CDK5RAP2: variants seen among roughly 807,000 people sequenced by gnomAD.
The protein encoded by CDK5RAP2 is CDK5 regulatory subunit-associated protein 2.
A neutral mutation model predicts 232.9 loss-of-function variants in CDK5RAP2; 147 were observed. The observed-to-expected ratio is 0.63, with a 90% CI of 0.55 to 0.72. The LOEUF (loss-of-function observed/expected upper bound fraction) is 0.72, where lower values mean the gene tolerates loss of function less well. CDK5RAP2 is among the 30% of genes least tolerant of loss of function. The pLI is 0.00. For missense variants in CDK5RAP2, 2,195 were observed against 2,231.5 expected (o/e 0.98, Z 0.33); for synonymous variants, 833 against 833.7 (o/e 1.00, Z 0.01).
chr9:120,561,499 TTTGTGACCCAAGC>T, intron 3 of CDK5RAP2, among the ~76,000 whole-genome samples: 1 of 152,082 alleles, frequency 6.6e-6, no homozygotes, highest in Middle Eastern at 3.4e-3. Flanking sequence ...GGGGTCTCAC[TTTGTGACCCAAGC>T]TGGGTCACAA....
chr9:120,549,260 C>G (rs773274859), intron 4 of CDK5RAP2, among the ~76,000 whole-genome samples: 34 of 152,100 alleles, frequency 2.2e-4, no homozygotes, highest in South Asian at 1.5e-3. Flanking sequence ...TATACACATA[C>G]ACACACACAA....
At chr9:120,401,775 G>A (rs2033039344) in intron 34 of CDK5RAP2, among the ~76,000 whole-genome samples, 3 of 152,084 alleles carry the variant, frequency 2.0e-5, no homozygotes, top group Admixed American at 2.0e-4. Flanking sequence ...CCTGAAGTCA[G>A]GAGTTCAAGA....
intron 2 of CDK5RAP2, chr9:120,571,617 C>T (rs1403376665): frequency 2.2e-5 from 8 of 355,710 alleles, no homozygotes; most frequent in Non-Finnish European, 3.8e-5. Flanking sequence ...GGCCTTGGCA[C>T]GCTACAGTCC....
chr9:120,435,723 T>C (rs1347464153), intron 25 of CDK5RAP2, among the ~76,000 whole-genome samples: 1 of 152,074 alleles, frequency 6.6e-6, no homozygotes, highest in African/African-American at 2.4e-5. Flanking sequence ...CAAAAGAAAC[T>C]GCCACTTACC....
At chr9:120,398,898 G>C (rs1373922892) in intron 35 of CDK5RAP2, among the ~76,000 whole-genome samples, 1 of 152,210 alleles carries the variant, frequency 6.6e-6, no homozygotes, top group East Asian at 1.9e-4. Flanking sequence ...CCCCTGGGTT[G>C]TTGGTGAAAA....
chr9:120,517,550 GAC>G (rs2040393040), intron 12 of CDK5RAP2, among the ~76,000 whole-genome samples: 1 of 152,190 alleles, frequency 6.6e-6, no homozygotes, highest in Non-Finnish European at 1.5e-5. Flanking sequence ...TAAATTAAAA[GAC>G]ACTGAATATT....
At chr9:120,430,822 C>T (rs1226195418) in intron 25 of CDK5RAP2, among the ~76,000 whole-genome samples, 8 of 152,060 alleles carry the variant, frequency 5.3e-5, no homozygotes, top group South Asian at 2.1e-4. Context: ...CATATGTTTA[C>T]TGCGGCACTA....
chr9:120,479,753 G>A (rs768207881), intron 14 of CDK5RAP2, among the ~76,000 whole-genome samples: 35 of 152,142 alleles, frequency 2.3e-4, no homozygotes, highest in Non-Finnish European at 4.3e-4. Flanking sequence ...AAAGAATCAA[G>A]ACTATTAAAT....
intron 1 of CDK5RAP2, among the ~76,000 whole-genome samples, chr9:120,576,914 A>C (rs772662103): frequency 1.3e-5 from 2 of 152,228 alleles, no homozygotes; most frequent in Non-Finnish European, 2.9e-5. Flanking sequence ...TCTCTAAAAA[A>C]AATTAAAAAC....
chr9:120,437,458 A>T lies in CDK5RAP2; in HGVS notation c.3792T>A (p.His1264Gln). ...GTTGACGGGAGATGACACAGATGCC[A>T]TGGCCATCCTTAATCTGCTGCCGTT... ...SLQRQQIKDG[H>Q]GICVISRQHM... The change falls in exon 25 of 38, where the codon CAT becomes CAA. Residue 1264 changes from histidine (H) to glutamine (Q), a missense_variant. Physicochemically the swap from His to Gln is conservative, Grantham distance 24. Transcript: ENST00000349780. 6.2e-7 allele frequency: 1 copy of T among 1,614,182 alleles called. No individual in the cohort carries two copies. Among genetic ancestry groups the T allele is most frequent in the Non-Finnish European group, 8.5e-7 (1 of 1,180,020 alleles).
At chr9:120,509,988 G>A (rs973778114) in intron 12 of CDK5RAP2, among the ~76,000 whole-genome samples, 1 of 151,602 alleles carries the variant, frequency 6.6e-6, no homozygotes, top group African/African-American at 2.4e-5. Flanking sequence ...TTTTTTTTTA[G>A]GGCAAGAGGA....
At chr9:120,430,748 C>A (rs1170491653) in intron 25 of CDK5RAP2, among the ~76,000 whole-genome samples, 11 of 151,666 alleles carry the variant, frequency 7.3e-5, no homozygotes, top group African/African-American at 9.7e-5. Flanking sequence ...TTGACCCAGC[C>A]ATCCCATTAC....
At chr9:120,401,002 G>A (rs1298675220) in intron 34 of CDK5RAP2, 117 bp from the exon 35 acceptor site, 21 of 1,104,332 alleles carry the variant, frequency 1.9e-5, no homozygotes, top group East Asian at 7.7e-5. Context: ...CACGCTGAGC[G>A]AAAGCCTGGT....
At chr9:120,459,190 G>C (rs1034680294) in intron 19 of CDK5RAP2, among the ~76,000 whole-genome samples, 1 of 152,184 alleles carries the variant, frequency 6.6e-6, no homozygotes, top group Admixed American at 6.5e-5. Context: ...GGAAGATAGA[G>C]AGTTCCTAAT....
At chr9:120,555,052 A>T (rs2132083380) in intron 3 of CDK5RAP2, among the ~76,000 whole-genome samples, 1 of 152,188 alleles carries the variant, frequency 6.6e-6, no homozygotes, top group Admixed American at 6.5e-5. Context: ...TCAGTGGAGA[A>T]ACAGATATAA....
intron 7 of CDK5RAP2, among the ~76,000 whole-genome samples, chr9:120,533,484 C>A (rs1467937597): frequency 6.6e-6 from 1 of 152,092 alleles, no homozygotes; most frequent in African/African-American, 2.4e-5. Context: ...AATTGCACCA[C>A]CCCACAGCTG....
chr9:120,438,120 G>A (rs12348483), intron 24 of CDK5RAP2, among the ~76,000 whole-genome samples: 10,190 of 152,214 alleles, frequency 0.067, 1,120 homozygotes, highest in African/African-American at 0.23. Flanking sequence ...AAGTGGTAAA[G>A]ATTTTGGATT....
intron 36 of CDK5RAP2, among the ~76,000 whole-genome samples, chr9:120,391,293 C>T (rs1053684671): frequency 6.6e-6 from 1 of 152,142 alleles, no homozygotes; most frequent in Non-Finnish European, 1.5e-5. Context: ...GGGACCCCTA[C>T]ACCTCAACAG....
intron 22 of CDK5RAP2, among the ~76,000 whole-genome samples, chr9:120,446,179 G>C (rs2036177219): frequency 6.6e-6 from 1 of 152,150 alleles, no homozygotes; most frequent in Non-Finnish European, 1.5e-5. Flanking sequence ...AATGGGTGTG[G>C]CTGTGTTTCA....
Sources: gnomAD v4.1 joint callset for allele counts (sites outside exome capture counted in the v4.1 genomes callset) on GRCh38, gnomAD v4.1.1 for gene constraint, MANE v1.5 for transcripts, NCBI Gene and HGNC (gene_info 2026-07-23, HGNC 2026-07-21) for gene names.